The following SH2D4B variants were observed in gnomAD, a reference collection of about 807,000 sequenced individuals.
SH2D4B encodes SH2 domain containing 4B, also known as SH2 domain-containing protein 4B.
SH2D4B carries 45 observed loss-of-function variants against 61.5 expected under a neutral mutation model. The ratio of observed to expected loss-of-function variants is 0.73; its 90% CI spans 0.58 to 0.94. The LOEUF (loss-of-function observed/expected upper bound fraction) is 0.94, where lower values mean the gene tolerates loss of function less well. SH2D4B is among the 40% of genes least tolerant of loss of function. The pLI is 0.00. For missense variants in SH2D4B, 572 were observed against 574.2 expected, an observed-to-expected ratio of 1.00 and a Z score of 0.04; for synonymous variants, 224 against 220.4, an observed-to-expected ratio of 1.02 and a Z score of -0.14.
intron 4 of SH2D4B, among the ~76,000 whole-genome samples, chr10:80,597,768 A>G (rs1006670150): frequency 1.2e-4 from 18 of 152,192 alleles, no homozygotes; most frequent in African/African-American, 3.6e-4. Context: ...AGGAAATGGC[A>G]TTTGGTTCAG....
At chr10:80,607,209 A>G (rs757368919) in intron 5 of SH2D4B, 4 of 152,228 alleles carry the variant, frequency 2.6e-5, no homozygotes, top group Non-Finnish European at 5.9e-5. Flanking sequence ...TTGCTGTTAC[A>G]TATAACTTCC....
chr10:80,596,297 C>G (rs1362858566), intron 4 of SH2D4B, among the ~76,000 whole-genome samples: 1 of 152,200 alleles, frequency 6.6e-6, no homozygotes, highest in Non-Finnish European at 1.5e-5. Context: ...CCAAATACTG[C>G]TAAAAACTGT....
rs1269424115 is a variant in SH2D4B, at chr10:80,551,061, TA to T, written c.184+12547del. Among the ~76,000 whole-genome samples the T allele has an allele frequency of 3.3e-5, 5 of 152,264 alleles. No homozygotes were observed. The East Asian group carries it at 5.8e-4, about 18-fold the overall frequency. On this transcript the variant is annotated intron_variant, in intron 1 of 7. Transcript: ENST00000646907. ...ACATGACTTGATTTTTATTTTATTT[TA>T]TTTTTTTTGAGACGGAGTCTCACTC... is the stretch of plus-strand genomic sequence containing the variant.
intron 3 of SH2D4B, among the ~76,000 whole-genome samples, chr10:80,585,181 G>A (rs186490729): frequency 5.7e-4 from 87 of 152,280 alleles, no homozygotes; most frequent in Admixed American, 1.9e-3. Flanking sequence ...CTCTCTCTGA[G>A]ACTTTATCCA....
chr10:80,553,556 A>G (rs1339787412), intron 1 of SH2D4B, among the ~76,000 whole-genome samples: 1 of 152,222 alleles, frequency 6.6e-6, no homozygotes, highest in Non-Finnish European at 1.5e-5. Flanking sequence ...CACGTGGGGC[A>G]TCATGGCCCC....
intron 3 of SH2D4B, among the ~76,000 whole-genome samples, chr10:80,585,878 G>A (rs940365240): frequency 6.6e-6 from 1 of 151,972 alleles, no homozygotes; most frequent in Non-Finnish European, 1.5e-5. Context: ...GGTGTGGAGG[G>A]AGAGGCACAA....
chr10:80,540,885 T>C, intron 1 of SH2D4B: 1 of 1,551,516 alleles, frequency 6.4e-7, no homozygotes, highest in African/African-American at 1.4e-5. Context: ...GAATCTTCTC[T>C]TCCTTCCCTT....
intron 1 of SH2D4B, among the ~76,000 whole-genome samples, chr10:80,561,300 C>CTT (rs1841899886): frequency 6.6e-6 from 1 of 152,148 alleles, no homozygotes; most frequent in Non-Finnish European, 1.5e-5. Flanking sequence ...TTTTGGAAAA[C>CTT]TTGTGTCTGC....
intron 6 of SH2D4B, among the ~76,000 whole-genome samples, chr10:80,627,487 C>A (rs564193278): frequency 2.9e-4 from 44 of 152,150 alleles, no homozygotes; most frequent in African/African-American, 1.0e-3. Context: ...GCCTTGCCCC[C>A]TCTTGTCCCT....
chr10:80,621,282 C>A (rs897578349), intron 6 of SH2D4B, among the ~76,000 whole-genome samples: 1 of 152,244 alleles, frequency 6.6e-6, no homozygotes, highest in East Asian at 1.9e-4. Context: ...CCCCGCCGGA[C>A]AGGCAAAATG....
chr10:80,583,034 A>G (rs1402504836), intron 3 of SH2D4B, among the ~76,000 whole-genome samples: 2 of 152,232 alleles, frequency 1.3e-5, no homozygotes, highest in Non-Finnish European at 1.5e-5. Flanking sequence ...TCCTACTCAG[A>G]TATTTACTTC....
chr10:80,553,072 C>G (rs971100365), intron 1 of SH2D4B, among the ~76,000 whole-genome samples: 1 of 152,144 alleles, frequency 6.6e-6, no homozygotes, highest in African/African-American at 2.4e-5. Context: ...CCCGCCACCA[C>G]ACCTGGCTAA....
chr10:80,580,678 T>C (rs1842176718), intron 3 of SH2D4B, among the ~76,000 whole-genome samples: 1 of 152,280 alleles, frequency 6.6e-6, no homozygotes, highest in African/African-American at 2.4e-5. Context: ...TTAGGGGGCC[T>C]AGGATTTTAA....
At chr10:80,572,986 A>ATTTTTTTTTTT (rs61401607) in intron 3 of SH2D4B, among the ~76,000 whole-genome samples, 1 of 8,880 alleles carries the variant, frequency 1.1e-4, no homozygotes, top group African/African-American at 3.7e-4. Context: ...ATATATATAT[A>ATTTTTTTTTTT]TTTTTTTTTT....
At chr10:80,637,730 A>G (rs1160388949) in intron 7 of SH2D4B, among the ~76,000 whole-genome samples, 1 of 152,242 alleles carries the variant, frequency 6.6e-6, no homozygotes, top group Non-Finnish European at 1.5e-5. Flanking sequence ...GTCATCTGCA[A>G]ACAGGAACAA....
chr10:80,541,939 T>A (rs1433502732), intron 1 of SH2D4B, among the ~76,000 whole-genome samples: 1 of 152,186 alleles, frequency 6.6e-6, no homozygotes, highest in African/African-American at 2.4e-5. Context: ...ATGGCATTTC[T>A]TTTCTGTTTT....
At chr10:80,545,461 CTTCTCCTTT>C (rs1310932489) in intron 1 of SH2D4B, among the ~76,000 whole-genome samples, 2 of 151,798 alleles carry the variant, frequency 1.3e-5, no homozygotes, top group Non-Finnish European at 2.9e-5. Context: ...CCCTTTTCTT[CTTCTCCTTT>C]TTCTCCTCCC....
intron 5 of SH2D4B, among the ~76,000 whole-genome samples, chr10:80,608,331 A>T (rs1345820134): frequency 6.6e-6 from 1 of 152,066 alleles, no homozygotes. Flanking sequence ...AGTTTAGATG[A>T]GGGAGCAGAT....
chr10:80,642,261 T>C (rs1589367832), intron 7 of SH2D4B, among the ~76,000 whole-genome samples: 1 of 152,202 alleles, frequency 6.6e-6, no homozygotes, highest in Non-Finnish European at 1.5e-5. Context: ...CCAGCCCAAG[T>C]TGCATATTTC....
Sources: allele counts gnomAD v4.1 joint callset (sites outside exome capture counted in the v4.1 genomes callset), GRCh38; gene constraint gnomAD v4.1.1; transcripts MANE v1.5; gene names NCBI Gene and HGNC (gene_info 2026-07-23, HGNC 2026-07-21).